Variants in ADGRE5 observed in about 807,000 individuals in gnomAD.
ADGRE5 encodes the protein CD97 molecule.
A neutral mutation model predicts 100.3 loss-of-function variants in ADGRE5; 72 were observed. That is an observed-to-expected ratio of 0.72 (90% CI 0.59 to 0.87). The LOEUF is 0.87. ADGRE5 is among the 40% of genes least tolerant of loss of function. The pLI is 0.00. For missense variants in ADGRE5, 959 were observed against 1,094.7 expected, an observed-to-expected ratio of 0.88 and a Z score of 1.75; for synonymous variants, 439 against 447.8, an observed-to-expected ratio of 0.98 and a Z score of 0.25.
Position 14,408,149 on chromosome 19 carries a change from G to A in ADGRE5, c.*28G>A. 1 of 1,611,300 alleles carries A rather than the reference G, an allele frequency of 6.2e-7. No homozygotes were observed. The highest frequency in any genetic ancestry group is 8.5e-7 in the Non-Finnish European group (1 of 1,179,258). On this transcript the variant is annotated 3_prime_UTR_variant, in exon 20 of 20. Transcript: ENST00000242786. ...GCGCATGGTTCTGGACGGCCCAGCA[G>A]CTCCTGTGGCCACAGCAGCTTTGTA...
At chr19:14,389,858 TG>T (rs989836338) in intron 3 of ADGRE5, among the ~76,000 whole-genome samples, 1 of 151,732 alleles carries the variant, frequency 6.6e-6, no homozygotes, top group Non-Finnish European at 1.5e-5. Context: ...CACCTGAGGT[TG>T]GGAGTTCGAG....
intron 4 of ADGRE5, among the ~76,000 whole-genome samples, chr19:14,393,028 C>T (rs1223256082): frequency 1.7e-4 from 26 of 152,002 alleles, no homozygotes; most frequent in Admixed American, 1.7e-3. Flanking sequence ...AGTGAAACCC[C>T]GTCTCTACTA....
chr19:14,392,405 A>G (rs1248232079), intron 4 of ADGRE5, among the ~76,000 whole-genome samples: 1 of 151,896 alleles, frequency 6.6e-6, no homozygotes. Flanking sequence ...GGTTCAAGTG[A>G]TTCTCATGCC....
At position 14,408,010 on chromosome 19, in the gene ADGRE5, G is replaced by A; in HGVS notation, c.2478+1G>A. On this transcript the variant is annotated splice_donor_variant, in intron 19 of 19. Coordinates refer to ENST00000242786, the MANE Select transcript of ADGRE5 (RefSeq NM_078481.4). LOFTEE classifies it high-confidence loss of function. ...TGGCACTGGCCACAATCAGACCCGG[G>A]TAAGGGGCTGCGCCTGGGGCGGGTG... 2 of 1,614,152 alleles carry A rather than the reference G, an allele frequency of 1.2e-6. No individual in the cohort carries two copies. The highest frequency in any genetic ancestry group is 8.5e-7 in the Non-Finnish European group (1 of 1,179,994).
At position 14,391,635 on chromosome 19, in the gene ADGRE5, G is replaced by T. The variant is rs193129568; in HGVS notation, c.346+556G>T. 7.6e-3 allele frequency: 1,168 copies of T among 153,136 alleles called. 56 individuals are homozygous for T. The highest frequency in any genetic ancestry group is 0.069 in the Admixed American group (1,058 of 15,378). The allele number at this position is 153,136 out of a possible 1,614,324, so 9.5% of individuals were successfully genotyped here. A position where few individuals can be genotyped will look rare whatever the true frequency, so the allele number is the denominator to read the frequency against. ...GCCTGTAGTCCCAGCTACTCAGGAG[G>T]CTGAGGTGGGATGATTGCTTCAGGC... On this transcript the variant is annotated intron_variant, in intron 4 of 19. Transcript: ENST00000242786.
At chr19:14,402,447 AC>A in intron 11 of ADGRE5, 149 bp from the exon 12 acceptor site, 2 of 786,972 alleles carry the variant, frequency 2.5e-6, no homozygotes, top group Non-Finnish European at 4.1e-6. Context: ...AAAAAAAAAA[AC>A]AAGGAACAAC....
rs372702707 is a variant in ADGRE5 at position 14,408,599 on chromosome 19, G to A, written c.*478G>A. On this transcript the variant is annotated 3_prime_UTR_variant, in exon 20 of 20. Transcript: ENST00000242786. ...ACTGCCTGAGGCTCACGGTACAGAG[G>A]CCTGCCCTGCCTGGCCGGGCAGGAG... is the stretch of plus-strand genomic sequence containing the variant. The A allele has an allele frequency of 3.3e-4, 146 of 440,604 alleles. 4 individuals carry two copies. The South Asian group carries it at 5.8e-3, about 18-fold the overall frequency. The allele number at this position is 440,604 out of a possible 1,614,324, so 27.3% of individuals were successfully genotyped here. A position where few individuals can be genotyped will look rare whatever the true frequency, so the allele number is the denominator to read the frequency against.
Position 14,406,433 on chromosome 19 carries a change from G to T in ADGRE5, c.1924G>T (p.Val642Leu). Reference protein sequence around the residue: ...LEGLELYFLVVRVFQGQGLST... With the variant: ...LEGLELYFLVLRVFQGQGLST... ...AGGCCTGGAGCTCTACTTTCTTGTG[G>T]TGCGCGTGTTCCAAGGCCAGGGCCT... The change falls in exon 15 of 20, where the codon GTG becomes TTG. Residue 642 changes from valine to leucine, a missense_variant. By Grantham distance (32) the Val-to-Leu change is conservative. This residue lies in a region of ADGRE5 where 428 missense variants were observed against 386.2 expected (regional missense o/e 1.11). Coordinates refer to ENST00000242786, the MANE Select transcript of ADGRE5 (RefSeq NM_078481.4). The surrounding 1 kb of genome is among the most constrained non-coding windows in gnomAD (Gnocchi z 6.0). 6.3e-7 allele frequency: 1 copy of T among 1,587,762 alleles called. No homozygotes were observed. The highest frequency in any genetic ancestry group is 1.1e-5 in the South Asian group (1 of 87,662).
Position 14,406,871 on chromosome 19 carries a change from C to T in ADGRE5, c.2118C>T (p.Cys706=). The change falls in exon 17 of 20, where the codon TGC becomes TGT. Residue 706 remains cysteine (C), a splice_region_variant and synonymous_variant. Transcript: ENST00000242786. The surrounding 1 kb of genome is among the most constrained non-coding windows in gnomAD (Gnocchi z 6.0). ...CCCACAATCTGCTCCCTGCCCAGTG[C>T]AATGCTGTCATTTTCGTGACTACCG... The part of the protein sequence containing the change: ...FLGPVTFIIL[C]NAVIFVTTVW... 6.2e-7 allele frequency: 1 copy of T among 1,613,900 alleles called. No homozygotes were observed. Among genetic ancestry groups the T allele is most frequent in the Non-Finnish European group, 8.5e-7 (1 of 1,179,742 alleles).
At chr19:14,394,401 G>C (rs1057337905) in intron 4 of ADGRE5, among the ~76,000 whole-genome samples, 1 of 151,934 alleles carries the variant, frequency 6.6e-6, no homozygotes. Flanking sequence ...CAGAGACCTC[G>C]GGCGGCTCCC....
chr19:14,402,651 A>T lies in ADGRE5; in HGVS notation c.1238A>T (p.Asn413Ile), dbSNP rs1180462514. The T allele has an allele frequency of 6.2e-7, 1 of 1,613,984 alleles. No homozygotes were observed. The highest frequency in any genetic ancestry group is 1.7e-5 in the Admixed American group (1 of 59,984). The change falls in exon 12 of 20, where the codon AAT (asparagine) becomes ATT (isoleucine). Residue 413 changes from asparagine to isoleucine, a missense_variant. Transcript: ENST00000242786. ...SIQNMTTLLA[N>I]ASLNLHSKKQ... ...CAGAACATGACGACATTGCTGGCCA[A>T]TGCCTCCTTGAACCTGCATTCCAAG...
Position 14,408,105 on chromosome 19 carries a change from CAG to C in ADGRE5, c.2495_2496del (p.Glu832ValfsTer54), listed in dbSNP as rs751137657. ...TCTCCTCTCCAGGCCCTCAGGGCATCAGAGTCCGGCATATGAAGGCGCATGGT... is the reference window on the plus strand; with the variant it reads ...TCTCCTCTCCAGGCCCTCAGGGCATCAGTCCGGCATATGAAGGCGCATGGT... On this transcript the variant is annotated frameshift_variant, in exon 20 of 20. Transcript: ENST00000242786. LOFTEE classifies it high-confidence loss of function. 8.1e-6 allele frequency: 13 copies of C among 1,613,620 alleles called. No individual in the cohort carries two copies. Among genetic ancestry groups the C allele is most frequent in the Non-Finnish European group, 1.0e-5 (12 of 1,180,004 alleles).
intron 18 of ADGRE5, among the ~76,000 whole-genome samples, chr19:14,407,626 G>A (rs1976321098): frequency 1.4e-5 from 2 of 145,518 alleles, no homozygotes; most frequent in South Asian, 2.1e-4. Context: ...GGGTGACAGT[G>A]AGACTTGTCT....
chr19:14,407,337 A>T (rs1568321682), intron 18 of ADGRE5, 108 bp downstream of exon 18: 2 of 1,248,126 alleles, frequency 1.6e-6, no homozygotes, highest in Non-Finnish European at 2.3e-6. Context: ...CCTGGGCAAC[A>T]TAACCAGATG....
At chr19:14,382,810 A>G (rs754698357) in intron 1 of ADGRE5, among the ~76,000 whole-genome samples, 21 of 151,834 alleles carry the variant, frequency 1.4e-4, no homozygotes, top group Non-Finnish European at 2.4e-4. Context: ...CCTGGGTTCA[A>G]GCGATTCTCC....
chr19:14,393,372 A>G lies in ADGRE5; in HGVS notation c.346+2293A>G, dbSNP rs1000559493. ...GGCTCTACCCCTGCGCAGAGGCCAC[A>G]GCCTTTGCTATGGTCTTGCTTGAGG... On this transcript the variant is annotated intron_variant, in intron 4 of 19. Coordinates refer to ENST00000242786, the MANE Select transcript of ADGRE5 (RefSeq NM_078481.4). Among the ~76,000 whole-genome samples the G allele has an allele frequency of 2.0e-5, 3 of 152,218 alleles. No homozygotes were observed. In the East Asian group the frequency reaches 5.8e-4, roughly 29 times the overall value.
intron 5 of ADGRE5, 140 bp from the exon 6 acceptor site, chr19:14,396,937 T>C: frequency 2.0e-6 from 2 of 1,020,782 alleles, no homozygotes; most frequent in South Asian, 3.3e-5. Context: ...GAAGGTGAAG[T>C]TGAAGGTCAC....
rs377163635 is a variant in ADGRE5 at position 14,405,741 on chromosome 19, C to T, written c.1630-7C>T. ...AAGGAACCCTGAGCACCCGGTGCCA[C>T]TCCTAGGACTGGAAGCTGACCCTGA... On this transcript the variant is annotated splice_polypyrimidine_tract_variant and splice_region_variant and intron_variant, in intron 13 of 19. Coordinates refer to ENST00000242786, the MANE Select transcript of ADGRE5 (RefSeq NM_078481.4). 1.2e-6 allele frequency: 2 copies of T among 1,608,658 alleles called. No individual in the cohort carries two copies. Among genetic ancestry groups the T allele is most frequent in the African/African-American group, 2.7e-5 (2 of 74,832 alleles).
At chr19:14,388,670 T>C in intron 2 of ADGRE5, 32 bp from the exon 3 acceptor site, 31 of 1,609,964 alleles carry the variant, frequency 1.9e-5, no homozygotes, top group Non-Finnish European at 2.5e-5. Flanking sequence ...CCCTTACCCC[T>C]CACCTTCTGA....
Sources: gnomAD v4.1 joint callset for allele counts (sites outside exome capture counted in the v4.1 genomes callset) on GRCh38, gnomAD v4.1.1 for gene constraint, gnomAD v4.1.1 regional missense constraint, Gnocchi (gnomAD v3.1) non-coding constraint, MANE v1.5 for transcripts, NCBI Gene and HGNC (gene_info 2026-07-23, HGNC 2026-07-21) for gene names.